ENOX2: variants seen among roughly 807,000 people sequenced by gnomAD.
ENOX2 encodes the protein APK1 antigen.
ENOX2 carries 36 observed loss-of-function variants against 45.0 expected under a neutral mutation model. The observed-to-expected ratio is 0.80, with a 90% confidence interval of 0.61 to 1.06. ENOX2 has a LOEUF of 1.06. ENOX2 is among the 50% of genes least tolerant of loss of function. The pLI is 0.00. For missense variants in ENOX2, 423 were observed against 462.5 expected (o/e 0.91, Z 0.78); for synonymous variants, 174 against 152.3 (o/e 1.14, Z -1.05).
chrX:130,852,645 C>A (rs2078233011), intron 2 of ENOX2, among the ~76,000 whole-genome samples: 1 of 111,173 alleles, frequency 9.0e-6, no homozygotes, highest in Admixed American at 9.5e-5. Context: ...ACTAAAATTA[C>A]TGTGTCCTGA....
In ENOX2 at chrX:130,842,544, C is replaced by T. The variant is rs184271265; in HGVS notation, c.-182-58854G>A. Among the ~76,000 whole-genome samples the T allele has an allele frequency of 3.6e-5, 4 of 111,870 alleles. No homozygotes were observed. The Admixed American group carries it at 3.8e-4, about 11-fold the overall frequency. On this transcript the variant is annotated intron_variant, in intron 2 of 14. Transcript: ENST00000394363. ...CCTCTCATCCACTCCTTAATCAATG[C>T]ATTCTGAATTCTGTCCACAGTATTT...
Position 130,874,859 on chromosome X carries a change from C to T in ENOX2, c.-183+26825G>A, listed in dbSNP as rs182171869. Among the ~76,000 whole-genome samples, 331 of 110,791 alleles carry T rather than the reference C, an allele frequency of 3.0e-3. 3 individuals are homozygous for T. Among genetic ancestry groups the T allele is most frequent in the African/African-American group, 0.01 (311 of 30,517 alleles). On this transcript the variant is annotated intron_variant, in intron 2 of 14. Coordinates refer to ENST00000394363, the MANE Select transcript of ENOX2 (RefSeq NM_006375.4). ...AACACCAACACATGCATGCCCCCCC[C>T]GACACACACAAACATAGGCATGTGT...
intron 2 of ENOX2, among the ~76,000 whole-genome samples, chrX:130,836,439 A>C (rs1202981667): frequency 9.0e-6 from 1 of 110,586 alleles, no homozygotes; most frequent in Non-Finnish European, 1.9e-5. Context: ...AATGCACAAT[A>C]CCAAATTGAT....
At chrX:130,713,982 GA>G (rs1057090424) in intron 3 of ENOX2, among the ~76,000 whole-genome samples, 7 of 110,831 alleles carry the variant, frequency 6.3e-5, no homozygotes, top group Non-Finnish European at 1.3e-4. Flanking sequence ...GGTGGAGAAA[GA>G]AAAAAACAGA....
intron 5 of ENOX2, among the ~76,000 whole-genome samples, chrX:130,684,590 A>G (rs776872418): frequency 7.2e-4 from 80 of 111,702 alleles, no homozygotes; most frequent in Non-Finnish European, 1.1e-3. Context: ...TCCTTCTGTC[A>G]TCATCCATCC....
intron 12 of ENOX2, among the ~76,000 whole-genome samples, chrX:130,632,783 G>C (rs1439458809): frequency 1.8e-5 from 2 of 112,151 alleles, no homozygotes; most frequent in Non-Finnish European, 3.8e-5. Flanking sequence ...GCTGTAGTCA[G>C]AGGGGAACCC....
At chrX:130,877,278 A>G (rs1296097220) in intron 2 of ENOX2, among the ~76,000 whole-genome samples, 1 of 112,220 alleles carries the variant, frequency 8.9e-6, no homozygotes, top group Middle Eastern at 4.2e-3. Flanking sequence ...AGCAAAGGGC[A>G]CATCTACTGG....
intron 6 of ENOX2, among the ~76,000 whole-genome samples, chrX:130,673,297 C>T (rs1251521074): frequency 9.1e-6 from 1 of 109,875 alleles, no homozygotes; most frequent in East Asian, 2.9e-4. Context: ...TGTTGCAACA[C>T]CCCGAAAAGA....
At chrX:130,707,030 T>C (rs1237501990) in intron 3 of ENOX2, among the ~76,000 whole-genome samples, 1 of 112,812 alleles carries the variant, frequency 8.9e-6, no homozygotes, top group Non-Finnish European at 1.9e-5. Flanking sequence ...GCTAAGTATC[T>C]GTTTAGAATT....
chrX:130,638,648 G>A (rs1378417633), intron 10 of ENOX2, among the ~76,000 whole-genome samples: 1 of 111,713 alleles, frequency 9.0e-6, no homozygotes, highest in Non-Finnish European at 1.9e-5. Flanking sequence ...TGTTAGAGAA[G>A]TGAGGTTACA....
intron 10 of ENOX2, among the ~76,000 whole-genome samples, chrX:130,639,838 GA>G (rs1269308779): frequency 8.9e-6 from 1 of 112,138 alleles, no homozygotes; most frequent in Admixed American, 9.4e-5. Flanking sequence ...CATAACTAAG[GA>G]AATAATCCCT....
rs148628743 is a variant in ENOX2 at position 130,826,546 on chromosome X, G to C, written c.-182-42856C>G. On this transcript the variant is annotated intron_variant, in intron 2 of 14. Transcript: ENST00000394363. ...ACATTCTCTACTTTCCTTGTGAAGA[G>C]TGCTGTGCTTGGCTTGGGTCCAGAC... Among the ~76,000 whole-genome samples, 670 of 111,894 alleles carry C rather than the reference G, an allele frequency of 6.0e-3. 2 individuals carry two copies. The highest frequency in any genetic ancestry group is 9.2e-3 in the Non-Finnish European group (488 of 53,082).
In ENOX2 at chrX:130,689,011, A is replaced by C. The variant is rs764450156; in HGVS notation, c.105T>G (p.Asp35Glu). Residue 35 changes from aspartate to glutamate, a missense_variant, in exon 5 of 15, where the codon GAT becomes GAG. Physicochemically the swap from Asp to Glu is conservative, Grantham distance 45. This residue lies in a region of ENOX2 where 261 missense variants were observed against 306.8 expected (regional missense o/e 0.85). Transcript: ENST00000394363. ...TTCCAGTCATCATTCCAAGAGCAGG[A>C]TCAAAGTCTAAAAAAGGAGAAGAGA... ...IAGQPILPDF[D>E]PALGMMTGIP... 1 of 1,205,488 alleles carries C rather than the reference A, an allele frequency of 8.3e-7. No homozygotes were observed. Among genetic ancestry groups the C allele is most frequent in the Non-Finnish European group, 1.1e-6 (1 of 891,654 alleles).
At chrX:130,853,639 C>A (rs771182507) in intron 2 of ENOX2, among the ~76,000 whole-genome samples, 140 of 110,485 alleles carry the variant, frequency 1.3e-3, no homozygotes, top group Middle Eastern at 4.6e-3. Flanking sequence ...CTTCCACCTT[C>A]TCCAGGATCT....
At chrX:130,684,826 T>C (rs73555113) in intron 5 of ENOX2, among the ~76,000 whole-genome samples, 10 of 111,207 alleles carry the variant, frequency 9.0e-5, no homozygotes, top group African/African-American at 2.3e-4. Context: ...TAGTTGGGCA[T>C]GATGGGGCAT....
rs1254140004 is a variant in ENOX2 at position 130,838,067 on chromosome X, A to C, written c.-182-54377T>G. Among the ~76,000 whole-genome samples the C allele has an allele frequency of 2.7e-5, 3 of 112,101 alleles. No homozygotes were observed. The East Asian group carries it at 8.4e-4, about 32-fold the overall frequency. Reference sequence around the variant, plus strand: ...TAGGCAAGTTATCTGATACCTTCAAATCAGACACTTTGAAAGCAGATAACA... The same window carrying C: ...TAGGCAAGTTATCTGATACCTTCAACTCAGACACTTTGAAAGCAGATAACA... On this transcript the variant is annotated intron_variant, in intron 2 of 14. Transcript: ENST00000394363.
chrX:130,890,548 CA>C (rs1384829426), intron 2 of ENOX2, among the ~76,000 whole-genome samples: 4 of 112,518 alleles, frequency 3.6e-5, no homozygotes, highest in Non-Finnish European at 7.5e-5. Flanking sequence ...CGGGAAGACA[CA>C]GAACTAATTT....
intron 3 of ENOX2, among the ~76,000 whole-genome samples, chrX:130,753,363 T>A (rs1174855624): frequency 9.0e-6 from 1 of 111,199 alleles, no homozygotes; most frequent in Non-Finnish European, 1.9e-5. Flanking sequence ...TGTCTGCTTC[T>A]CTTTGTCTGT....
chrX:130,748,922 G>A (rs1438348026), intron 3 of ENOX2, among the ~76,000 whole-genome samples: 6 of 111,587 alleles, frequency 5.4e-5, no homozygotes, highest in Non-Finnish European at 7.5e-5. Flanking sequence ...CACAAACAGT[G>A]TAGACCTATT....
Sources: allele counts gnomAD v4.1 joint callset (sites outside exome capture counted in the v4.1 genomes callset), GRCh38; gene constraint gnomAD v4.1.1; regional missense constraint gnomAD v4.1.1; transcripts MANE v1.5; gene names NCBI Gene and HGNC (gene_info 2026-07-23, HGNC 2026-07-21).